PPARGC1A: variants seen among roughly 807,000 people sequenced by gnomAD.
PPARGC1A encodes the protein PPARG coactivator 1 alpha, also known as peroxisome proliferator-activated receptor gamma coactivator 1-alpha.
Under a neutral mutation model 88.7 loss-of-function variants are expected in PPARGC1A, and 25 were observed. The observed-to-expected ratio is 0.28, with a 90% CI of 0.21 to 0.39. The LOEUF (loss-of-function observed/expected upper bound fraction) is 0.39, where lower values mean the gene tolerates loss of function less well. PPARGC1A is among the 10% of genes least tolerant of loss of function. The pLI is 1.00. For synonymous variants in PPARGC1A, 363 were observed against 355.6 expected (o/e 1.02, Z -0.24); for missense variants, 880 against 968.7 (o/e 0.91, Z 1.22).
chr4:24,034,723 AATAG>A, the PPARGC1A span, among the ~76,000 whole-genome samples: 4 of 152,168 alleles, frequency 2.6e-5, no homozygotes, highest in Non-Finnish European at 4.4e-5. Context: ...ATGACAGTGG[AATAG>A]ATAGATTAAT....
At chr4:24,305,169 G>A in the PPARGC1A span, among the ~76,000 whole-genome samples, 1 of 143,860 alleles carries the variant, frequency 7.0e-6, no homozygotes, top group African/African-American at 2.6e-5. Context: ...ATATATATGT[G>A]TGTGTGTGTG....
At chr4:23,864,706 T>G (rs1190756973) in intron 2 of PPARGC1A, among the ~76,000 whole-genome samples, 4 of 152,198 alleles carry the variant, frequency 2.6e-5, no homozygotes, top group African/African-American at 9.6e-5. Flanking sequence ...TTCTGATCCC[T>G]GGGAGCACAT....
chr4:24,020,428 C>T, the PPARGC1A span, among the ~76,000 whole-genome samples: 1 of 152,012 alleles, frequency 6.6e-6, no homozygotes, highest in Non-Finnish European at 1.5e-5. Context: ...CACAGTCAGC[C>T]AGGGCTTTTA....
chr4:24,146,457 C>T, the PPARGC1A span, among the ~76,000 whole-genome samples: 24 of 152,226 alleles, frequency 1.6e-4, no homozygotes, highest in African/African-American at 5.1e-4. Context: ...TGTCCCTGCT[C>T]TATCAATGTG....
At chr4:23,958,899 G>A in the PPARGC1A span, among the ~76,000 whole-genome samples, 2 of 151,454 alleles carry the variant, frequency 1.3e-5, no homozygotes, top group South Asian at 2.1e-4. Flanking sequence ...ATGTTTATTT[G>A]TATTATTTAT....
chr4:24,138,271 G>A, the PPARGC1A span, among the ~76,000 whole-genome samples: 3,300 of 152,204 alleles, frequency 0.022, 47 homozygotes, highest in Non-Finnish European at 0.034. Context: ...CAACCTGAGA[G>A]CATATCCACC....
the PPARGC1A span, among the ~76,000 whole-genome samples, chr4:24,067,741 A>G: frequency 2.0e-5 from 3 of 152,198 alleles, no homozygotes; most frequent in Non-Finnish European, 4.4e-5. Flanking sequence ...TCTGCTCTGG[A>G]GAACACTCAT....
chr4:24,325,836 A>G, the PPARGC1A span, among the ~76,000 whole-genome samples: 4 of 152,176 alleles, frequency 2.6e-5, no homozygotes, highest in African/African-American at 9.7e-5. Context: ...CCTTGCCTCC[A>G]TAACTATTGT....
the PPARGC1A span, among the ~76,000 whole-genome samples, chr4:24,387,846 GAGAA>G: frequency 1.6e-5 from 2 of 121,748 alleles, no homozygotes; most frequent in African/African-American, 3.2e-5. Flanking sequence ...GAAAGAGAGA[GAGAA>G]AGAGAGAAAG....
At chr4:24,305,295 C>T in the PPARGC1A span, among the ~76,000 whole-genome samples, 2 of 150,656 alleles carry the variant, frequency 1.3e-5, no homozygotes, top group Non-Finnish European at 3.0e-5. Flanking sequence ...GGCAGAAAAA[C>T]AAACAAACAA....
the PPARGC1A span, among the ~76,000 whole-genome samples, chr4:24,311,786 CAG>C: frequency 1.1e-3 from 170 of 152,010 alleles, no homozygotes; most frequent in African/African-American, 3.9e-3. Flanking sequence ...AAAAATTTAA[CAG>C]AGTCTCGGTG....
At chr4:23,927,926 C>T in the PPARGC1A span, among the ~76,000 whole-genome samples, 5 of 152,210 alleles carry the variant, frequency 3.3e-5, no homozygotes, top group East Asian at 9.7e-4. Flanking sequence ...CATCCTAGGA[C>T]CCTGCTGTGT....
the PPARGC1A span, among the ~76,000 whole-genome samples, chr4:24,250,851 T>C: frequency 2.6e-5 from 4 of 152,162 alleles, no homozygotes; most frequent in Admixed American, 6.5e-5. Context: ...CCTCAGAATG[T>C]ACAGGATTTC....
the PPARGC1A span, among the ~76,000 whole-genome samples, chr4:24,228,155 C>T: frequency 5.9e-5 from 9 of 152,126 alleles, no homozygotes; most frequent in Non-Finnish European, 1.3e-4. Flanking sequence ...ATAAAGTGAT[C>T]TAATCCTTGG....
the PPARGC1A span, among the ~76,000 whole-genome samples, chr4:24,446,499 A>G: frequency 6.6e-6 from 1 of 152,110 alleles, no homozygotes; most frequent in African/African-American, 2.4e-5. Context: ...GGAGACAAAG[A>G]CTATTTTAGC....
chr4:23,968,712 C>T, the PPARGC1A span, among the ~76,000 whole-genome samples: 6 of 152,148 alleles, frequency 3.9e-5, no homozygotes, highest in South Asian at 2.1e-4. Context: ...GTCAGGAGTT[C>T]GAGAACAGTC....
the PPARGC1A span, among the ~76,000 whole-genome samples, chr4:24,375,632 G>A: frequency 6.6e-6 from 1 of 152,134 alleles, no homozygotes; most frequent in Admixed American, 6.5e-5. Flanking sequence ...GCAGACGATA[G>A]AGCTTATATT....
chr4:24,337,050 T>C, the PPARGC1A span, among the ~76,000 whole-genome samples: 1 of 152,264 alleles, frequency 6.6e-6, no homozygotes, highest in Non-Finnish European at 1.5e-5. Context: ...TGAATGCTTT[T>C]AAGGCTCTGT....
chr4:24,204,573 G>C, the PPARGC1A span, among the ~76,000 whole-genome samples: 1 of 152,034 alleles, frequency 6.6e-6, no homozygotes, highest in Non-Finnish European at 1.5e-5. Flanking sequence ...ACTACGCCTG[G>C]CCACATCCAC....
Sources: allele counts gnomAD v4.1 joint callset (sites outside exome capture counted in the v4.1 genomes callset), GRCh38; gene constraint gnomAD v4.1.1; transcripts MANE v1.5; gene names NCBI Gene and HGNC (gene_info 2026-07-23, HGNC 2026-07-21).